Variants in OTOGL observed in about 807,000 individuals in gnomAD.
OTOGL encodes the protein otogelin-like protein.
A neutral mutation model predicts 318.5 loss-of-function variants in OTOGL; 285 were observed. That is an observed-to-expected ratio of 0.89 (90% CI 0.81 to 0.99). OTOGL has a LOEUF of 0.99. OTOGL is among the 50% of genes least tolerant of loss of function. The pLI is 0.00. For synonymous variants in OTOGL, 987 were observed against 936.5 expected, an observed-to-expected ratio of 1.05 and a Z score of -0.99; for missense variants, 2,899 against 2,845.6, an observed-to-expected ratio of 1.02 and a Z score of -0.43.
At chr12:80,350,355 G>A (rs2137991162) in intron 44 of OTOGL, among the ~76,000 whole-genome samples, 1 of 152,286 alleles carries the variant, frequency 6.6e-6, no homozygotes, top group Non-Finnish European at 1.5e-5. Context: ...GAATAATGCT[G>A]CAGTAAACAT....
At chr12:80,131,448 A>C (rs1327584509) in intron 1 of OTOGL, among the ~76,000 whole-genome samples, 3 of 152,230 alleles carry the variant, frequency 2.0e-5, no homozygotes, top group African/African-American at 7.2e-5. Flanking sequence ...CTAATACTCC[A>C]AAAAGGACTT....
chr12:80,355,241 T>C (rs1889809148), intron 46 of OTOGL, among the ~76,000 whole-genome samples: 1 of 145,810 alleles, frequency 6.9e-6, no homozygotes, highest in African/African-American at 2.5e-5. Flanking sequence ...TTTTTTTTTT[T>C]TTTTTTTGAG....
intron 1 of OTOGL, among the ~76,000 whole-genome samples, chr12:80,177,419 C>A (rs1874602865): frequency 6.6e-6 from 1 of 152,116 alleles, no homozygotes. Flanking sequence ...AACTAATAGA[C>A]CATATATGTA....
rs533467879 is a variant in OTOGL, at chr12:80,129,062, G to T, written c.-20+29457G>T. 6.6e-5 allele frequency among the ~76,000 whole-genome samples: 10 copies of T among 152,270 alleles called. No homozygotes were observed. The East Asian group carries it at 1.7e-3, about 27-fold the overall frequency. On this transcript the variant is annotated intron_variant, in intron 1 of 58. Transcript: ENST00000547103. ...ACCCACTGTCCTGCACCCACTGTCT[G>T]ACAATCCCCAGTGAGATGAACCCAG...
intron 3 of OTOGL, 57 bp from the exon 4 acceptor site, chr12:80,211,892 C>G (rs370427402): frequency 7.3e-7 from 1 of 1,371,054 alleles, no homozygotes; most frequent in Non-Finnish European, 1.0e-6. Context: ...TTGGGAAAGG[C>G]TTGTTCAGGT....
chr12:80,246,126 C>T (rs1366761269), intron 11 of OTOGL, among the ~76,000 whole-genome samples: 3 of 151,580 alleles, frequency 2.0e-5, no homozygotes, highest in Non-Finnish European at 4.4e-5. Flanking sequence ...AATTTTACTT[C>T]CTCTTTTCCT....
intron 1 of OTOGL, among the ~76,000 whole-genome samples, chr12:80,178,061 C>CTTTTTTTTTTTTTTTTTTTTTTTT (rs71094968): frequency 4.0e-5 from 3 of 74,920 alleles, no homozygotes; most frequent in Non-Finnish European, 5.2e-5. Context: ...TTCTTTCTTT[C>CTTTTTTTTTTTTTTTTTTTTTTTT]TTTTTTTTTT....
Position 80,099,957 on chromosome 12 carries a change from G to A in OTOGL, c.-20+352G>A, listed in dbSNP as rs182044094. 2.6e-5 allele frequency among the ~76,000 whole-genome samples: 4 copies of A among 152,248 alleles called. No homozygotes were observed. In the East Asian group the frequency reaches 7.7e-4, roughly 29 times the overall value. On this transcript the variant is annotated intron_variant, in intron 1 of 58. Transcript: ENST00000547103. ...ACTCCTGGTCCCGTGTTCTGTGGCTGTTATTACTGTTGCTTCACGTTAATG... is the reference window on the plus strand; with the variant it reads ...ACTCCTGGTCCCGTGTTCTGTGGCTATTATTACTGTTGCTTCACGTTAATG...
At chr12:80,268,173 A>C (rs889061194) in intron 22 of OTOGL, among the ~76,000 whole-genome samples, 2 of 152,096 alleles carry the variant, frequency 1.3e-5, no homozygotes, top group African/African-American at 2.4e-5. Context: ...TCCCCTTTTT[A>C]GTTGCCCCAT....
At chr12:80,143,904 A>G (rs192804635) in intron 1 of OTOGL, among the ~76,000 whole-genome samples, 29 of 152,250 alleles carry the variant, frequency 1.9e-4, no homozygotes, top group Admixed American at 7.2e-4. Context: ...TTTTATATCT[A>G]GTTCTTCCAT....
intron 1 of OTOGL, among the ~76,000 whole-genome samples, chr12:80,110,443 C>T (rs1322072408): frequency 6.6e-6 from 1 of 152,130 alleles, no homozygotes; most frequent in Non-Finnish European, 1.5e-5. Flanking sequence ...GTGATGTTCT[C>T]CTCCCTGTGC....
chr12:80,107,987 C>G (rs1219419500), intron 1 of OTOGL, among the ~76,000 whole-genome samples: 1 of 152,022 alleles, frequency 6.6e-6, no homozygotes, highest in East Asian at 1.9e-4. Flanking sequence ...AAAAAACTAT[C>G]TATTGGGTAC....
chr12:80,115,037 T>G (rs1448461447), intron 1 of OTOGL, among the ~76,000 whole-genome samples: 1 of 152,008 alleles, frequency 6.6e-6, no homozygotes, highest in East Asian at 1.9e-4. Context: ...CTTCCTTGCA[T>G]TGGGTTAGAA....
At chr12:80,200,821 A>G (rs189639525) in intron 1 of OTOGL, among the ~76,000 whole-genome samples, 211 of 152,360 alleles carry the variant, frequency 1.4e-3, no homozygotes, top group African/African-American at 5.0e-3. Context: ...TCAAAAATTC[A>G]TAGCAGGTAA....
intron 4 of OTOGL, among the ~76,000 whole-genome samples, chr12:80,217,344 C>A (rs1877835629): frequency 6.6e-6 from 1 of 152,070 alleles, no homozygotes; most frequent in African/African-American, 2.4e-5. Context: ...GAACAGAGAG[C>A]AGACAAAGTA....
At chr12:80,256,519 A>AACAAACAC in intron 17 of OTOGL, 59 bp downstream of exon 17, 1 of 1,517,118 alleles carries the variant, frequency 6.6e-7, no homozygotes, top group East Asian at 2.4e-5. Context: ...CAAACAAACA[A>AACAAACAC]ACAACACACG....
chr12:80,376,686 A>G (rs951740625), intron 57 of OTOGL, among the ~76,000 whole-genome samples: 5 of 152,258 alleles, frequency 3.3e-5, no homozygotes, highest in South Asian at 2.1e-4. Context: ...GTGGTTTTAA[A>G]TCTCTCAATT....
intron 1 of OTOGL, among the ~76,000 whole-genome samples, chr12:80,190,525 C>T (rs1004243732): frequency 2.6e-5 from 4 of 152,116 alleles, no homozygotes; most frequent in Admixed American, 6.5e-5. Flanking sequence ...CGGTGGCTCA[C>T]GCCTGTAATC....
At chr12:80,186,834 C>T (rs1442543576) in intron 1 of OTOGL, among the ~76,000 whole-genome samples, 1 of 151,988 alleles carries the variant, frequency 6.6e-6, no homozygotes, top group Non-Finnish European at 1.5e-5. Context: ...GGAGTGCTGC[C>T]CTCTTTTGGC....
Sources: gnomAD v4.1 joint callset for allele counts (sites outside exome capture counted in the v4.1 genomes callset) on GRCh38, gnomAD v4.1.1 for gene constraint, MANE v1.5 for transcripts, NCBI Gene and HGNC (gene_info 2026-07-23, HGNC 2026-07-21) for gene names.